FNDC3B: variants seen among roughly 807,000 people sequenced by gnomAD.
The protein encoded by FNDC3B is fibronectin type III domain-containing protein 3B.
A neutral mutation model predicts 151.5 loss-of-function variants in FNDC3B; 12 were observed. That is an observed-to-expected ratio of 0.08 (90% CI 0.05 to 0.13). The LOEUF (loss-of-function observed/expected upper bound fraction) is 0.13, where lower values mean the gene tolerates loss of function less well. Ranked by LOEUF, FNDC3B falls within the 10% of genes least tolerant of loss-of-function variation. FNDC3B has a pLI of 1.00. For missense variants in FNDC3B, 1,214 were observed against 1,505.3 expected, an observed-to-expected ratio of 0.81 and a Z score of 3.20; for synonymous variants, 528 against 549.0, an observed-to-expected ratio of 0.96 and a Z score of 0.54.
chr3:172,075,724 A>AACACACACACAC (rs57920659), intron 1 of FNDC3B, among the ~76,000 whole-genome samples: 1 of 146,850 alleles, frequency 6.8e-6, no homozygotes, highest in African/African-American at 2.5e-5. Context: ...TAGCCCAGTA[A>AACACACACACAC]ACACACACAC....
At chr3:172,133,416 TAAC>T (rs1721206914) in intron 2 of FNDC3B, 52 bp from the exon 3 acceptor site, 2 of 1,385,526 alleles carry the variant, frequency 1.4e-6, no homozygotes, top group Non-Finnish European at 2.0e-6. Context: ...TAATAACACT[TAAC>T]AAATCCCAGA....
At chr3:172,343,998 A>G in intron 18 of FNDC3B, 88 bp from the exon 19 acceptor site, 1 of 1,230,884 alleles carries the variant, frequency 8.1e-7, no homozygotes, top group Non-Finnish European at 1.2e-6. Context: ...CCTATGTGAT[A>G]TTTTGCTCAA....
Position 172,344,147 on chromosome 3 carries a change from C to A in FNDC3B, c.2139C>A (p.Pro713=). Residue 713 remains proline (P), a synonymous_variant, in exon 19 of 26, where the codon CCC becomes CCA. Coordinates refer to ENST00000415807, the MANE Select transcript of FNDC3B (RefSeq NM_022763.4). The stretch of plus-strand genomic sequence containing the variant: ...AGTACAGCGTGGAGATGACGGAGCC[C>A]GAAGACGTAGCCTCGGAAGTGTACC... ...VSEYSVEMTE[P]EDVASEVYHG... 6.2e-7 allele frequency: 1 copy of A among 1,614,072 alleles called. No individual in the cohort carries two copies. The highest frequency in any genetic ancestry group is 8.5e-7 in the Non-Finnish European group (1 of 1,180,002).
chr3:172,093,208 G>A lies in FNDC3B; in HGVS notation c.-28-19244G>A, dbSNP rs546060255. On this transcript the variant is annotated intron_variant, in intron 1 of 25. Coordinates refer to ENST00000415807, the MANE Select transcript of FNDC3B (RefSeq NM_022763.4). Reference sequence around the variant, plus strand: ...TAGCTTACTACCCCTTAAACTCCTGGGTCCTTGACCTCCTGATCCTCCCAC... The same window carrying A: ...TAGCTTACTACCCCTTAAACTCCTGAGTCCTTGACCTCCTGATCCTCCCAC... Among the ~76,000 whole-genome samples, 4 of 150,882 alleles carry A rather than the reference G, an allele frequency of 2.7e-5. No individual in the cohort carries two copies. In the South Asian group the frequency reaches 8.4e-4, roughly 32 times the overall value.
In FNDC3B at chr3:172,352,580, A is replaced by C. The variant is rs1733909562; in HGVS notation, c.2515-223A>C. 6.6e-6 allele frequency among the ~76,000 whole-genome samples: 1 copy of C among 152,240 alleles called. No homozygotes were observed. Among genetic ancestry groups the C allele is most frequent in the Non-Finnish European group, 1.5e-5 (1 of 68,036 alleles). ...AAATATTATTTTTAAATTATTTGTC[A>C]TAAGAAACGATGGTGGCCATATTTT... On this transcript the variant is annotated intron_variant, in intron 21 of 25. Transcript: ENST00000415807. This position sits in a 1 kb window ranked among gnomAD's most constrained non-coding sequence, Gnocchi z 4.2.
intron 3 of FNDC3B, among the ~76,000 whole-genome samples, chr3:172,159,947 A>G (rs939584043): frequency 6.6e-6 from 1 of 152,206 alleles, no homozygotes; most frequent in Non-Finnish European, 1.5e-5. Context: ...CACATTTTAC[A>G]GGTAGGAAAA....
intron 3 of FNDC3B, among the ~76,000 whole-genome samples, chr3:172,154,579 C>T (rs1374576621): frequency 6.6e-6 from 1 of 152,162 alleles, no homozygotes; most frequent in African/African-American, 2.4e-5. Flanking sequence ...CTGTACAAAA[C>T]GTGCAGGTGG....
chr3:172,347,031 CA>C lies in FNDC3B; in HGVS notation c.2365-173del, dbSNP rs573305329. On this transcript the variant is annotated intron_variant, in intron 20 of 25. Transcript: ENST00000415807. The stretch of plus-strand genomic sequence containing the variant: ...ATTTTATTTTTAAATTTCTAAATCT[CA>C]AAAAAAATTTTGTGGGTACATAGTA... Among the ~76,000 whole-genome samples the C allele has an allele frequency of 5.8e-3, 884 of 152,160 alleles. 8 individuals carry two copies. The highest frequency in any genetic ancestry group is 0.02 in the African/African-American group (816 of 41,512).
intron 3 of FNDC3B, among the ~76,000 whole-genome samples, chr3:172,214,123 A>C (rs912769102): frequency 3.9e-5 from 6 of 152,182 alleles, no homozygotes; most frequent in African/African-American, 1.4e-4. Context: ...GGGGGTGTTT[A>C]CTGACTGCCC....
Position 172,225,684 on chromosome 3 carries a change from G to A in FNDC3B, c.188-1187G>A, listed in dbSNP as rs142233215. On this transcript the variant is annotated intron_variant, in intron 3 of 25. Coordinates refer to ENST00000415807, the MANE Select transcript of FNDC3B (RefSeq NM_022763.4). ...GAAGTCCCAACACAAGATGAAGAGC[G>A]GACTCCTTTTGAATGTGTAGTTAGA... 341 of 173,846 alleles carry A rather than the reference G, an allele frequency of 2.0e-3. 1 individual carries two copies. In the Middle Eastern group the frequency reaches 0.031, roughly 16 times the overall value. 10.8% of individuals were successfully genotyped at this position (173,846 alleles called of 1,614,324 possible).
chr3:172,176,652 G>A (rs1006505755), intron 3 of FNDC3B, among the ~76,000 whole-genome samples: 1 of 152,138 alleles, frequency 6.6e-6, no homozygotes, highest in African/African-American at 2.4e-5. Flanking sequence ...CTTTGCAGTT[G>A]GAAAGTGCTG....
At chr3:172,286,019 T>C in intron 7 of FNDC3B, 35 bp downstream of exon 7, 3 of 1,513,442 alleles carry the variant, frequency 2.0e-6, no homozygotes, top group Non-Finnish European at 2.7e-6. Context: ...TAAATGACAC[T>C]TTTTAAAGTA....
intron 3 of FNDC3B, among the ~76,000 whole-genome samples, chr3:172,159,836 G>A (rs1722678729): frequency 6.6e-6 from 1 of 152,212 alleles, no homozygotes; most frequent in Non-Finnish European, 1.5e-5. Flanking sequence ...AATCTCATCT[G>A]CTGTACTGAA....
chr3:172,090,957 A>G (rs1364840078), intron 1 of FNDC3B, among the ~76,000 whole-genome samples: 1 of 152,244 alleles, frequency 6.6e-6, no homozygotes, highest in African/African-American at 2.4e-5. Context: ...GATACTTTGT[A>G]TTATGTATAT....
chr3:172,160,684 A>T (rs1439460280), intron 3 of FNDC3B, among the ~76,000 whole-genome samples: 3 of 152,204 alleles, frequency 2.0e-5, no homozygotes, highest in African/African-American at 4.8e-5. Context: ...TTTAAAGTAT[A>T]CTCATCTATA....
intron 3 of FNDC3B, among the ~76,000 whole-genome samples, chr3:172,184,817 G>A (rs906434572): frequency 1.4e-4 from 21 of 152,156 alleles, no homozygotes; most frequent in African/African-American, 3.9e-4. Flanking sequence ...CTTTCAGGAT[G>A]GTGGGGAGCA....
intron 3 of FNDC3B, among the ~76,000 whole-genome samples, chr3:172,145,907 G>C (rs574225896): frequency 7.4e-5 from 11 of 148,920 alleles, no homozygotes; most frequent in African/African-American, 2.7e-4. Context: ...TCCGCCACCC[G>C]GGTTTAAGCG....
At chr3:172,099,935 C>G (rs1719301148) in intron 1 of FNDC3B, among the ~76,000 whole-genome samples, 1 of 152,264 alleles carries the variant, frequency 6.6e-6, no homozygotes, top group African/African-American at 2.4e-5. Context: ...CCCTTGGGTA[C>G]TCCTAAGACC....
intron 1 of FNDC3B, among the ~76,000 whole-genome samples, chr3:172,078,457 G>T (rs1212576603): frequency 6.6e-6 from 1 of 152,206 alleles, no homozygotes; most frequent in Non-Finnish European, 1.5e-5. Flanking sequence ...TTTAGGGGCT[G>T]TTGCAATGTC....
Sources: gnomAD v4.1 joint callset for allele counts (sites outside exome capture counted in the v4.1 genomes callset) on GRCh38, gnomAD v4.1.1 for gene constraint, Gnocchi (gnomAD v3.1) non-coding constraint, MANE v1.5 for transcripts, NCBI Gene and HGNC (gene_info 2026-07-23, HGNC 2026-07-21) for gene names.